GPR39: variants seen among roughly 807,000 people sequenced by gnomAD.
GPR39 encodes the protein zinc sensing receptor.
A neutral mutation model predicts 18.4 loss-of-function variants in GPR39; 23 were observed. The observed-to-expected ratio is 1.25, with a 90% CI of 0.90 to 1.77. GPR39 has a LOEUF of 1.77. Among genes scored for constraint, GPR39 ranks in the 40% most tolerant of loss-of-function variants. The pLI is 0.00. For synonymous variants in GPR39, 280 were observed against 257.9 expected (o/e 1.09, Z -0.82); for missense variants, 647 against 602.4 (o/e 1.07, Z -0.78).
At chr2:132,532,318 C>G (rs1423558666) in intron 1 of GPR39, among the ~76,000 whole-genome samples, 1 of 152,190 alleles carries the variant, frequency 6.6e-6, no homozygotes, top group African/African-American at 2.4e-5. Flanking sequence ...TCTGGATAGA[C>G]CAACAACAGG....
At chr2:132,515,333 G>A (rs1431026207) in intron 1 of GPR39, among the ~76,000 whole-genome samples, 1 of 152,206 alleles carries the variant, frequency 6.6e-6, no homozygotes, top group Non-Finnish European at 1.5e-5. Context: ...ATCCAACCAA[G>A]GTTTCCAAGG....
chr2:132,541,298 G>A (rs766648229), intron 1 of GPR39, among the ~76,000 whole-genome samples: 4 of 152,106 alleles, frequency 2.6e-5, no homozygotes, highest in Non-Finnish European at 5.9e-5. Context: ...TAGCCAGGCT[G>A]TTATCGAACT....
intron 1 of GPR39, among the ~76,000 whole-genome samples, chr2:132,437,881 C>A (rs368970910): frequency 5.9e-5 from 9 of 152,164 alleles, no homozygotes; most frequent in African/African-American, 2.2e-4. Context: ...TGACCTCGGG[C>A]AACATACTTG....
intron 1 of GPR39, among the ~76,000 whole-genome samples, chr2:132,559,221 C>T (rs4954341): frequency 0.2 from 30,563 of 152,050 alleles, 3,830 homozygotes; most frequent in East Asian, 0.51. Flanking sequence ...GATCCAGGAT[C>T]GGAACTTTAT....
intron 1 of GPR39, among the ~76,000 whole-genome samples, chr2:132,482,321 CA>C (rs1463168985): frequency 2.0e-5 from 3 of 152,300 alleles, no homozygotes; most frequent in African/African-American, 7.2e-5. Context: ...CAGATTTTTA[CA>C]CTCATGTTTC....
intron 1 of GPR39, among the ~76,000 whole-genome samples, chr2:132,612,741 G>A (rs980778352): frequency 2.6e-5 from 4 of 152,130 alleles, no homozygotes; most frequent in Non-Finnish European, 4.4e-5. Flanking sequence ...TTTATAATAC[G>A]TCATGATAGC....
intron 1 of GPR39, among the ~76,000 whole-genome samples, chr2:132,628,264 C>G (rs892012390): frequency 6.6e-6 from 1 of 152,162 alleles, no homozygotes; most frequent in African/African-American, 2.4e-5. Flanking sequence ...CTACTGCTTC[C>G]CAGCCTTCCT....
intron 1 of GPR39, among the ~76,000 whole-genome samples, chr2:132,532,146 AAAAT>A (rs1313082749): frequency 1.3e-5 from 2 of 152,236 alleles, no homozygotes; most frequent in African/African-American, 4.8e-5. Context: ...GACACAATAA[AAAAT>A]GACAAAGGGG....
chr2:132,437,580 C>T (rs1217289884), intron 1 of GPR39, among the ~76,000 whole-genome samples: 1 of 152,172 alleles, frequency 6.6e-6, no homozygotes, highest in Non-Finnish European at 1.5e-5. Flanking sequence ...CTCTCCTCTT[C>T]TACTTTGTGT....
At chr2:132,491,296 A>G (rs115996974) in intron 1 of GPR39, among the ~76,000 whole-genome samples, 3 of 152,156 alleles carry the variant, frequency 2.0e-5, no homozygotes, top group Admixed American at 6.5e-5. Context: ...AATTCTGTGT[A>G]TATTAAATGT....
rs1558871338 is a variant in GPR39, at chr2:132,645,521, T to C, written c.1277T>C (p.Leu426Ser). The change falls in exon 2 of 2, where the codon TTG (leucine) becomes TCG (serine). Residue 426 changes from leucine (L) to serine (S), a missense_variant. Physicochemically the swap from Leu to Ser is moderately radical, Grantham distance 145. Transcript: ENST00000329321. ...EAEPQSKSQSLSLESLEPNSG... is the reference protein window; with the variant it reads ...EAEPQSKSQSSSLESLEPNSG... ...GAGCCCCAGTCTAAGTCCCAGTCAT[T>C]GAGTCTCGAGTCACTAGAGCCCAAC... is the stretch of plus-strand genomic sequence containing the variant. 2.5e-6 allele frequency: 4 copies of C among 1,614,064 alleles called. No individual in the cohort carries two copies. The Admixed American group carries it at 6.7e-5, about 27-fold the overall frequency.
intron 1 of GPR39, among the ~76,000 whole-genome samples, chr2:132,472,229 T>C (rs1370798926): frequency 3.3e-5 from 5 of 152,210 alleles, no homozygotes; most frequent in South Asian, 2.1e-4. Flanking sequence ...CTGAGAACTT[T>C]ATCTGGAGTA....
intron 1 of GPR39, among the ~76,000 whole-genome samples, chr2:132,431,152 G>T (rs1024325238): frequency 1.8e-4 from 27 of 152,188 alleles, no homozygotes; most frequent in African/African-American, 6.0e-4. Context: ...CCAAGTATCA[G>T]GTTGTGGCTG....
intron 1 of GPR39, among the ~76,000 whole-genome samples, chr2:132,521,623 T>A (rs1679428197): frequency 6.6e-6 from 1 of 152,214 alleles, no homozygotes; most frequent in Admixed American, 6.5e-5. Flanking sequence ...AGGTAAGGTA[T>A]CTCTGGTATT....
intron 1 of GPR39, among the ~76,000 whole-genome samples, chr2:132,623,233 G>A (rs1681477640): frequency 6.6e-6 from 1 of 152,176 alleles, no homozygotes; most frequent in African/African-American, 2.4e-5. Flanking sequence ...CCAAGCCCCA[G>A]AGAGGCAGTG....
chr2:132,432,880 C>T (rs901671511), intron 1 of GPR39, among the ~76,000 whole-genome samples: 2 of 152,134 alleles, frequency 1.3e-5, no homozygotes, highest in Admixed American at 1.3e-4. Flanking sequence ...TTTGAGCATG[C>T]AGTGAGAAGT....
At chr2:132,481,232 T>C (rs1019224952) in intron 1 of GPR39, among the ~76,000 whole-genome samples, 4 of 152,200 alleles carry the variant, frequency 2.6e-5, no homozygotes, top group Non-Finnish European at 5.9e-5. Flanking sequence ...TACAAATGTA[T>C]TCGTGTCGGT....
In GPR39 at chr2:132,590,765, G is replaced by T. The variant is rs148738814; in HGVS notation, c.857-54336G>T. 4.9e-3 allele frequency among the ~76,000 whole-genome samples: 747 copies of T among 152,002 alleles called. 4 individuals carry two copies. The highest frequency in any genetic ancestry group is 0.017 in the African/African-American group (686 of 41,434). On this transcript the variant is annotated intron_variant, in intron 1 of 1. Transcript: ENST00000329321. ...CACCTGGGAAGACTGATATATTGTGGTGGTTAATATTGAGTGTCAACTTGA... is the reference window on the plus strand; with the variant it reads ...CACCTGGGAAGACTGATATATTGTGTTGGTTAATATTGAGTGTCAACTTGA...
At chr2:132,559,962 G>A (rs1680220576) in intron 1 of GPR39, among the ~76,000 whole-genome samples, 1 of 152,088 alleles carries the variant, frequency 6.6e-6, no homozygotes, top group African/African-American at 2.4e-5. Context: ...GGGCTGGGTG[G>A]AGGAAGGGGA....
Sources: gnomAD v4.1 joint callset for allele counts (sites outside exome capture counted in the v4.1 genomes callset) on GRCh38, gnomAD v4.1.1 for gene constraint, MANE v1.5 for transcripts, NCBI Gene and HGNC (gene_info 2026-07-23, HGNC 2026-07-21) for gene names.